Variants in USP30 observed in about 807,000 individuals in gnomAD.
USP30 encodes the protein ubiquitin specific peptidase 30, also known as ubiquitin carboxyl-terminal hydrolase 30.
In USP30, 41 loss-of-function variants were observed where a neutral mutation model predicts 68.2. That is an observed-to-expected ratio of 0.60 (90% CI 0.47 to 0.78). The LOEUF (loss-of-function observed/expected upper bound fraction) is 0.78, where lower values mean the gene tolerates loss of function less well. Ranked by LOEUF, USP30 falls within the 30% of genes least tolerant of loss-of-function variation. The pLI is 0.00. For synonymous variants in USP30, 229 were observed against 253.7 expected (o/e 0.90, Z 0.93); for missense variants, 522 against 649.4 (o/e 0.80, Z 2.13).
Position 109,085,775 on chromosome 12 carries a change from T to G in USP30, c.1398T>G (p.Pro466=), listed in dbSNP as rs770142512. 67 of 1,614,152 alleles carry G rather than the reference T, an allele frequency of 4.2e-5. 1 individual carries two copies. In the Middle Eastern group the frequency reaches 4.3e-3, roughly 103 times the overall value. ...YRRSPPSARN[P]LSTSNQWLWV... is the part of the protein sequence containing the mutation. ...GGTCCCCACCTTCTGCCAGGAACCC[T>G]CTCTCAACTAGCAATCAGTGGCTGT... Residue 466 remains proline, a synonymous_variant, in exon 13 of 13, where the codon CCT becomes CCG. Coordinates refer to ENST00000257548, the MANE Select transcript of USP30 (RefSeq NM_032663.5).
intron 3 of USP30, among the ~76,000 whole-genome samples, chr12:109,058,532 A>G (rs989650770): frequency 2.0e-5 from 3 of 150,192 alleles, no homozygotes; most frequent in East Asian, 2.0e-4. Flanking sequence ...AGATCGCACC[A>G]TTGCAGTCCA....
rs540489053 is a variant in USP30, at chr12:109,057,074, G to A, written c.193+283G>A. On this transcript the variant is annotated intron_variant, in intron 2 of 12. Transcript: ENST00000257548. ...TCTAAGAAGTGTTCTCATTAGTACG[G>A]CAATTGTAGTTTTCAGTGGTACAGA... Among the ~76,000 whole-genome samples, 183 of 152,290 alleles carry A rather than the reference G, an allele frequency of 1.2e-3. 3 individuals are homozygous for A. The South Asian group carries it at 0.021, about 18-fold the overall frequency.
rs2041303963 is a variant in USP30, at chr12:109,067,692, C to A, written c.480+65C>A. 4.2e-6 allele frequency: 6 copies of A among 1,419,516 alleles called. No individual in the cohort carries two copies. In the East Asian group the frequency reaches 1.4e-4, roughly 33 times the overall value. 87.9% of individuals were successfully genotyped at this position (1,419,516 alleles called of 1,614,324 possible). On this transcript the variant is annotated intron_variant, in intron 4 of 12. Transcript: ENST00000257548. ...TTTCCCCTAGTGACTTGGGGCCTGACCTTAAAATTGCCTGGCCCCAGTGTA... is the reference window on the plus strand; with the variant it reads ...TTTCCCCTAGTGACTTGGGGCCTGAACTTAAAATTGCCTGGCCCCAGTGTA...
rs2041926014 is a variant in USP30 at position 109,085,658 on chromosome 12, A to G, written c.1290-9A>G. 5 of 1,613,422 alleles carry G rather than the reference A, an allele frequency of 3.1e-6. No homozygotes were observed. The highest frequency in any genetic ancestry group is 1.6e-4 in the Middle Eastern group (1 of 6,062). The stretch of plus-strand genomic sequence containing the variant: ...TTGTAAACCCCTGACATGTGTTCGT[A>G]TCATTCAGCTCCTCCACATACCTCT... On this transcript the variant is annotated splice_polypyrimidine_tract_variant and intron_variant, in intron 12 of 12. Transcript: ENST00000257548.
At chr12:109,065,677 A>G (rs776489435) in intron 3 of USP30, among the ~76,000 whole-genome samples, 14 of 152,340 alleles carry the variant, frequency 9.2e-5, no homozygotes, top group Non-Finnish European at 1.9e-4. Context: ...GTAAAGAGGT[A>G]ATAATCACAA....
At chr12:109,054,384 T>G (rs79237141) in intron 1 of USP30, among the ~76,000 whole-genome samples, 8 of 151,766 alleles carry the variant, frequency 5.3e-5, no homozygotes, top group Non-Finnish European at 1.2e-4. Context: ...TACCTGGGCA[T>G]GTGGTGTGCA....
At chr12:109,075,981 C>T (rs1004214460) in intron 7 of USP30, among the ~76,000 whole-genome samples, 3 of 151,498 alleles carry the variant, frequency 2.0e-5, no homozygotes, top group Non-Finnish European at 4.4e-5. Context: ...CCATATGTTG[C>T]CTTTTCATTT....
chr12:109,027,100 T>C (rs1322180765), intron 2 of USP30, among the ~76,000 whole-genome samples: 1 of 152,174 alleles, frequency 6.6e-6, no homozygotes, highest in Non-Finnish European at 1.5e-5. Context: ...TCCTTAACTA[T>C]GTATCATAAA....
chr12:109,052,983 G>C (rs1374060567), intron 1 of USP30: 1 of 416,480 alleles, frequency 2.4e-6, no homozygotes, highest in Non-Finnish European at 4.2e-6. Flanking sequence ...CCCCAGGTCT[G>C]TCAGTCCCTC....
chr12:109,046,307 G>A (rs187435460), intron 3 of USP30, among the ~76,000 whole-genome samples: 58 of 151,490 alleles, frequency 3.8e-4, no homozygotes, highest in African/African-American at 1.2e-3. Flanking sequence ...TAGAGACAGC[G>A]TTTCACCATG....
At chr12:109,048,061 G>A (rs551346717), upstream of USP30, among the ~76,000 whole-genome samples, 18 of 150,484 alleles carry the variant, frequency 1.2e-4, no homozygotes, top group South Asian at 3.4e-3. Context: ...TGGGTCTGAC[G>A]TCTAATAGAA....
At position 109,083,042 on chromosome 12, in the gene USP30, G is replaced by A; in HGVS notation, c.1148G>A (p.Gly383Glu). ...NPGPTLELQD[G>E]PGAPTPVLNQ... is the part of the protein sequence containing the mutation. ...GGGCCTACACTGGAGCTGCAGGATG[G>A]GCCGGGAGCCCCCACACCAGGTGTG... Residue 383 changes from glycine to glutamate, a missense_variant, in exon 11 of 13, where the codon GGG becomes GAG. Transcript: ENST00000257548. 1 of 1,611,282 alleles carries A rather than the reference G, an allele frequency of 6.2e-7. No homozygotes were observed. Among genetic ancestry groups the A allele is most frequent in the Non-Finnish European group, 8.5e-7 (1 of 1,178,462 alleles).
rs2041980792 is a variant in USP30 at position 109,087,812 on chromosome 12, G to A, written c.*1881G>A. 1 of 160,796 alleles carries A rather than the reference G, an allele frequency of 6.2e-6. No individual in the cohort carries two copies. The highest frequency in any genetic ancestry group is 2.4e-5 in the African/African-American group (1 of 41,506). 10.0% of individuals were successfully genotyped at this position (160,796 alleles called of 1,614,324 possible). A position where few individuals can be genotyped will look rare whatever the true frequency, so the allele number is the denominator to read the frequency against. On this transcript the variant is annotated 3_prime_UTR_variant, in exon 13 of 13. Coordinates refer to ENST00000257548, the MANE Select transcript of USP30 (RefSeq NM_032663.5). ...ATAGCTGTGCAAAGCCTTTTAACCTGACTTCTTCATTTTGTAAATTATTAT... is the reference window on the plus strand; with the variant it reads ...ATAGCTGTGCAAAGCCTTTTAACCTAACTTCTTCATTTTGTAAATTATTAT...
intron 2 of USP30, among the ~76,000 whole-genome samples, chr12:109,057,409 G>A (rs935406372): frequency 2.6e-5 from 4 of 152,130 alleles, no homozygotes; most frequent in Non-Finnish European, 5.9e-5. Context: ...GCTAGCAGAA[G>A]AGAGAAGTAT....
Position 109,081,382 on chromosome 12 carries a change from G to C in USP30, c.769G>C (p.Ala257Pro), listed in dbSNP as rs753115591. 1.9e-6 allele frequency: 3 copies of C among 1,614,024 alleles called. No homozygotes were observed. In the East Asian group the frequency reaches 6.7e-5, roughly 36 times the overall value. The change falls in exon 8 of 13, where the codon GCC becomes CCC. Residue 257 changes from alanine (A) to proline (P), a missense_variant. Coordinates refer to ENST00000257548, the MANE Select transcript of USP30 (RefSeq NM_032663.5). ...TGATAGCCTTTCACTAAGTATTCCA[G>C]CCGCCACATGGGTATGTACTGATTT... ...TFDSLSLSIP[A>P]ATWGHPLTLD...
rs577461613 is a variant in USP30 at position 109,042,423 on chromosome 12, C to A, written c.-135-5167C>A. 1.3e-4 allele frequency among the ~76,000 whole-genome samples: 20 copies of A among 152,230 alleles called. No homozygotes were observed. The East Asian group carries it at 3.5e-3, about 26-fold the overall frequency. On this transcript the variant is annotated intron_variant, in intron 3 of 15. Coordinates refer to the USP30 transcript ENST00000392784. ...ATCCCTACAATTATAAATGCCTAATCTTTTATTCTCTCACACAAATGATAG... is the reference window on the plus strand; with the variant it reads ...ATCCCTACAATTATAAATGCCTAATATTTTATTCTCTCACACAAATGATAG...
chr12:109,067,107 A>ATTTTTTT (rs754748366), intron 3 of USP30, among the ~76,000 whole-genome samples: 9 of 104,584 alleles, frequency 8.6e-5, no homozygotes, highest in South Asian at 2.8e-4. Flanking sequence ...ACAGTCCTTA[A>ATTTTTTT]TTTTTTTTTT....
chr12:109,048,327 C>T (rs1396368593), upstream of USP30, among the ~76,000 whole-genome samples: 10 of 151,920 alleles, frequency 6.6e-5, no homozygotes, highest in Non-Finnish European at 1.0e-4. Flanking sequence ...TCAAGGGGTC[C>T]ACTCACCCTC....
intron 11 of USP30, among the ~76,000 whole-genome samples, chr12:109,084,306 A>G (rs1302791917): frequency 6.6e-6 from 1 of 152,212 alleles, no homozygotes; most frequent in Non-Finnish European, 1.5e-5. Flanking sequence ...AGGAAAAGAC[A>G]TGTAAATATG....
Sources: allele counts gnomAD v4.1 joint callset (sites outside exome capture counted in the v4.1 genomes callset), GRCh38; gene constraint gnomAD v4.1.1; transcripts MANE v1.5; gene names NCBI Gene and HGNC (gene_info 2026-07-23, HGNC 2026-07-21).